Variants in NBAS observed in about 807,000 individuals in gnomAD.
The protein encoded by NBAS is NAG/BC035112 fusion.
A neutral mutation model predicts 302.5 loss-of-function variants in NBAS; 219 were observed. The observed-to-expected ratio is 0.72, with a 90% CI of 0.65 to 0.81. The LOEUF (loss-of-function observed/expected upper bound fraction) is 0.81, where lower values mean the gene tolerates loss of function less well. Among genes scored for constraint, NBAS ranks in the 30% least tolerant of loss-of-function variants. NBAS has a pLI of 0.00. For missense variants in NBAS, 2,932 were observed against 2,841.6 expected, an observed-to-expected ratio of 1.03 and a Z score of -0.72; for synonymous variants, 1,118 against 1,021.6, an observed-to-expected ratio of 1.09 and a Z score of -1.80.
chr2:14,977,821 C>A, the NBAS span, among the ~76,000 whole-genome samples: 1 of 152,090 alleles, frequency 6.6e-6, no homozygotes, highest in Non-Finnish European at 1.5e-5. Context: ...TCTCAGGATA[C>A]CTGATTGGCC....
chr2:15,478,369 C>A, intron 12 of NBAS, 80 bp from the exon 13 acceptor site: 2 of 1,019,372 alleles, frequency 2.0e-6, no homozygotes, highest in South Asian at 2.7e-5. Flanking sequence ...TGGACTTTTT[C>A]AAATAAAGAG....
the NBAS span, among the ~76,000 whole-genome samples, chr2:14,876,896 T>C: frequency 2.0e-5 from 3 of 152,324 alleles, no homozygotes; most frequent in African/African-American, 7.2e-5. Flanking sequence ...CTTGGTCACA[T>C]GTATTTCAGG....
the NBAS span, among the ~76,000 whole-genome samples, chr2:14,906,895 C>T: frequency 6.6e-6 from 1 of 152,134 alleles, no homozygotes; most frequent in Admixed American, 6.5e-5. Flanking sequence ...CTAAGTTTGG[C>T]GTATTTCCTC....
At chr2:15,295,334 C>T (rs1228622959) in intron 40 of NBAS, among the ~76,000 whole-genome samples, 3 of 152,142 alleles carry the variant, frequency 2.0e-5, no homozygotes, top group Admixed American at 1.3e-4. Flanking sequence ...ATACAATCTT[C>T]GCATGTGACA....
At chr2:15,343,876 T>C (rs188847956) in intron 35 of NBAS, among the ~76,000 whole-genome samples, 5 of 149,190 alleles carry the variant, frequency 3.4e-5, no homozygotes, top group African/African-American at 9.8e-5. Flanking sequence ...TCAGGAACAT[T>C]AAACATTTTT....
chr2:15,073,211 G>C, the NBAS span, among the ~76,000 whole-genome samples: 1 of 152,142 alleles, frequency 6.6e-6, no homozygotes. Context: ...GGGCGTGGTG[G>C]CTCACACCTG....
At chr2:15,505,405 C>T (rs1311419495) in intron 10 of NBAS, among the ~76,000 whole-genome samples, 1 of 152,142 alleles carries the variant, frequency 6.6e-6, no homozygotes, top group Non-Finnish European at 1.5e-5. Flanking sequence ...AAGAGGCAGG[C>T]TTCCAAACAC....
At chr2:15,421,026 T>C (rs1677186590) in intron 23 of NBAS, among the ~76,000 whole-genome samples, 1 of 152,124 alleles carries the variant, frequency 6.6e-6, no homozygotes, top group African/African-American at 2.4e-5. Context: ...AGGCAAAATA[T>C]GGGGGCTCTC....
chr2:14,806,641 G>A, the NBAS span, among the ~76,000 whole-genome samples: 1 of 151,964 alleles, frequency 6.6e-6, no homozygotes, highest in Non-Finnish European at 1.5e-5. Context: ...ATTCACCCCC[G>A]AAAACCCAAT....
At chr2:15,190,164 A>G (rs1257874277) in intron 49 of NBAS, 100 bp downstream of exon 49, 7 of 1,368,736 alleles carry the variant, frequency 5.1e-6, no homozygotes, top group South Asian at 1.2e-5. Context: ...GCACACACAT[A>G]TAATTATTCT....
chr2:14,780,549 C>T, the NBAS span, among the ~76,000 whole-genome samples: 4 of 152,174 alleles, frequency 2.6e-5, no homozygotes, highest in African/African-American at 7.2e-5. Context: ...ATTTGGTAAT[C>T]GTTCACTCTC....
the NBAS span, among the ~76,000 whole-genome samples, chr2:15,011,446 C>G: frequency 6.6e-6 from 1 of 152,138 alleles, no homozygotes; most frequent in Non-Finnish European, 1.5e-5. Context: ...ACCAGGTGAG[C>G]AGTCCTGTGC....
chr2:15,543,309 T>C (rs1048575435), intron 6 of NBAS, among the ~76,000 whole-genome samples: 1 of 152,202 alleles, frequency 6.6e-6, no homozygotes, highest in Non-Finnish European at 1.5e-5. Context: ...ACTGGCTTTT[T>C]TTCATCTTTC....
Position 15,287,137 on chromosome 2 carries a change from G to A in NBAS, c.5074C>T (p.Arg1692Cys), listed in dbSNP as rs779626422. The A allele has an allele frequency of 1.8e-5, 29 of 1,613,984 alleles. No individual in the cohort carries two copies. The highest frequency in any genetic ancestry group is 1.6e-4 in the Middle Eastern group (1 of 6,084). Residue 1692 changes from arginine (R) to cysteine (C), a missense_variant, in exon 42 of 52, where the codon CGT becomes TGT. Coordinates refer to ENST00000281513, the MANE Select transcript of NBAS (RefSeq NM_015909.4). ...VYSIAISLAQRYSVSRWEVFM... is the reference protein window; with the variant it reads ...VYSIAISLAQCYSVSRWEVFM... The stretch of plus-strand genomic sequence containing the variant: ...ACTTCCCAGCGGGAGACACTGTAAC[G>A]TTGTGCCAGAGAAATAGCAATGCTG...
At chr2:15,299,029 G>A (rs1241066582) in intron 40 of NBAS, among the ~76,000 whole-genome samples, 4 of 152,134 alleles carry the variant, frequency 2.6e-5, no homozygotes, top group African/African-American at 9.7e-5. Context: ...GGTGTTCAGA[G>A]TACACTCAGA....
At chr2:15,555,997 C>A (rs1361723637) in intron 3 of NBAS, among the ~76,000 whole-genome samples, 1 of 152,128 alleles carries the variant, frequency 6.6e-6, no homozygotes, top group Non-Finnish European at 1.5e-5. Flanking sequence ...CTCTCTCTTC[C>A]TACTCATTGC....
At chr2:15,107,676 A>T in the NBAS span, among the ~76,000 whole-genome samples, 120 of 152,290 alleles carry the variant, frequency 7.9e-4, no homozygotes, top group African/African-American at 2.7e-3. Context: ...TTTAAAAATT[A>T]ACTTTATTAA....
chr2:15,324,615 T>C (rs559303689), intron 38 of NBAS, among the ~76,000 whole-genome samples: 2 of 152,158 alleles, frequency 1.3e-5, no homozygotes, highest in Non-Finnish European at 2.9e-5. Context: ...ATAGCGCCTG[T>C]CACTCACAAA....
chr2:15,248,826 C>A (rs4668889), intron 44 of NBAS, among the ~76,000 whole-genome samples: 91,681 of 151,922 alleles, frequency 0.6, 30,363 homozygotes, highest in African/African-American at 0.87. Context: ...TTAATAGCCT[C>A]CCAACCAAAA....
Sources: gnomAD v4.1 joint callset for allele counts (sites outside exome capture counted in the v4.1 genomes callset) on GRCh38, gnomAD v4.1.1 for gene constraint, MANE v1.5 for transcripts, NCBI Gene and HGNC (gene_info 2026-07-23, HGNC 2026-07-21) for gene names.